The following CNTN6 variants were observed in gnomAD, a reference collection of about 807,000 sequenced individuals.
CNTN6 encodes contactin-6.
CNTN6 carries 137 observed loss-of-function variants against 122.8 expected under a neutral mutation model. The observed-to-expected ratio is 1.12, with a 90% CI of 0.97 to 1.29. CNTN6 has a LOEUF of 1.29. Ranked by LOEUF, CNTN6 falls within the 50% of genes most tolerant of loss-of-function variation. CNTN6 has a pLI of 0.00. For missense variants in CNTN6, 1,634 were observed against 1,223.4 expected (o/e 1.34, Z -5.01); for synonymous variants, 570 against 426.0 (o/e 1.34, Z -4.16).
chr3:1,360,484 A>G (rs1038901926), intron 12 of CNTN6, among the ~76,000 whole-genome samples: 2 of 151,936 alleles, frequency 1.3e-5, no homozygotes, highest in Non-Finnish European at 2.9e-5. Context: ...TTTAAATGTT[A>G]TATTTTCTAA....
chr3:1,129,103 A>T (rs896621319), intron 1 of CNTN6, among the ~76,000 whole-genome samples: 2 of 152,036 alleles, frequency 1.3e-5, no homozygotes, highest in Non-Finnish European at 2.9e-5. Context: ...CTTGGGAACT[A>T]CTTAGGGAGA....
At chr3:1,306,296 CTT>C (rs976618750) in intron 7 of CNTN6, among the ~76,000 whole-genome samples, 1 of 151,894 alleles carries the variant, frequency 6.6e-6, no homozygotes, top group Non-Finnish European at 1.5e-5. Flanking sequence ...TTATCAATAA[CTT>C]TTTTTTAACA....
At chr3:1,262,849 A>ATATAGTATAAATTT (rs1254996550) in intron 4 of CNTN6, among the ~76,000 whole-genome samples, 1 of 152,060 alleles carries the variant, frequency 6.6e-6, no homozygotes, top group Non-Finnish European at 1.5e-5. Context: ...GTACCCACAT[A>ATATAGTATAAATTT]TATAGTATAA....
At chr3:1,098,789 C>CACACACATATATATATATATATAT (rs1211008614) in intron 1 of CNTN6, among the ~76,000 whole-genome samples, 1 of 63,252 alleles carries the variant, frequency 1.6e-5, no homozygotes, top group Non-Finnish European at 2.7e-5. Context: ...CACACACACA[C>CACACACATATATATATATATATAT]ATATATATAT....
chr3:1,374,969 A>T (rs1250845473), intron 16 of CNTN6, among the ~76,000 whole-genome samples: 2 of 152,098 alleles, frequency 1.3e-5, no homozygotes, highest in Non-Finnish European at 2.9e-5. Context: ...TTTGTTTTAC[A>T]GAAGAGGAAA....
Position 1,219,848 on chromosome 3 carries a change from C to T in CNTN6, c.56-839C>T, listed in dbSNP as rs79242831. On this transcript the variant is annotated intron_variant, in intron 2 of 22. Coordinates refer to ENST00000446702, the MANE Select transcript of CNTN6 (RefSeq NM_001289080.2). ...CTGGCAACATGGTGAAACACCATCT[C>T]TACAAGAAAACAAAAATTAACCTGG... 2.9e-3 allele frequency among the ~76,000 whole-genome samples: 435 copies of T among 151,768 alleles called. 2 individuals carry two copies. The highest frequency in any genetic ancestry group is 1.0e-2 in the South Asian group (48 of 4,806).
At chr3:1,377,610 G>A (rs1040918525) in intron 17 of CNTN6, among the ~76,000 whole-genome samples, 1 of 152,112 alleles carries the variant, frequency 6.6e-6, no homozygotes, top group Non-Finnish European at 1.5e-5. Context: ...CTTCAAACTG[G>A]AGTATAAACG....
At chr3:1,180,675 C>T (rs1043211176) in intron 2 of CNTN6, among the ~76,000 whole-genome samples, 17 of 152,206 alleles carry the variant, frequency 1.1e-4, no homozygotes, top group African/African-American at 3.9e-4. Context: ...TTATTCATTT[C>T]ACCAATATTT....
intron 5 of CNTN6, among the ~76,000 whole-genome samples, chr3:1,291,278 C>G (rs1234494317): frequency 6.6e-6 from 1 of 152,150 alleles, no homozygotes; most frequent in Admixed American, 6.6e-5. Context: ...GGATTAGATT[C>G]TTCCAGCAGC....
chr3:1,329,693 T>C, intron 10 of CNTN6, 92 bp from the exon 11 acceptor site: 5 of 1,063,684 alleles, frequency 4.7e-6, no homozygotes, highest in Non-Finnish European at 6.7e-6. Context: ...CAGCTATAAA[T>C]ATTAGATTCT....
At chr3:1,319,307 C>T (rs1187090648) in intron 7 of CNTN6, among the ~76,000 whole-genome samples, 2 of 151,616 alleles carry the variant, frequency 1.3e-5, no homozygotes, top group Admixed American at 6.6e-5. Flanking sequence ...GCTTCTACTT[C>T]AAGAAAACCT....
intron 2 of CNTN6, among the ~76,000 whole-genome samples, chr3:1,175,406 C>A (rs1442707392): frequency 7.1e-6 from 1 of 141,716 alleles, no homozygotes; most frequent in Non-Finnish European, 1.5e-5. Context: ...CAAAAACAAA[C>A]AAACAAAAGA....
Position 1,276,349 on chromosome 3 carries a change from T to G in CNTN6, c.359-2064T>G, listed in dbSNP as rs552870082. On this transcript the variant is annotated intron_variant, in intron 4 of 22. Coordinates refer to ENST00000446702, the MANE Select transcript of CNTN6 (RefSeq NM_001289080.2). Reference sequence around the variant, plus strand: ...TAAGAATGTTCCGAGTCAAACCATTTAGATTTGACGTATTCTTTCTAATTT... The same window carrying G: ...TAAGAATGTTCCGAGTCAAACCATTGAGATTTGACGTATTCTTTCTAATTT... Among the ~76,000 whole-genome samples, 13 of 152,352 alleles carry G rather than the reference T, an allele frequency of 8.5e-5. No individual in the cohort carries two copies. In the East Asian group the frequency reaches 2.5e-3, roughly 29 times the overall value.
chr3:1,332,048 T>G (rs1702365507), intron 11 of CNTN6, among the ~76,000 whole-genome samples: 1 of 151,982 alleles, frequency 6.6e-6, no homozygotes, highest in Non-Finnish European at 1.5e-5. Flanking sequence ...ATTTATACAT[T>G]ATTCTTTCAT....
At chr3:1,245,305 T>TATATATATAAC (rs2094563466) in intron 4 of CNTN6, among the ~76,000 whole-genome samples, 3 of 10,608 alleles carry the variant, frequency 2.8e-4, no homozygotes, top group Non-Finnish European at 5.2e-4. Flanking sequence ...CATATATATA[T>TATATATATAAC]ATATATATAT....
intron 1 of CNTN6, among the ~76,000 whole-genome samples, chr3:1,142,954 T>TTGTG (rs374380362): frequency 5.2e-4 from 71 of 137,462 alleles, no homozygotes; most frequent in African/African-American, 1.7e-3. Flanking sequence ...ACATATAAAT[T>TTGTG]TGTGTGTGTG....
chr3:1,219,078 C>T (rs560814593), intron 2 of CNTN6, among the ~76,000 whole-genome samples: 10 of 152,190 alleles, frequency 6.6e-5, no homozygotes, highest in Admixed American at 1.3e-4. Context: ...GGATTCACAC[C>T]GATAAAACAG....
chr3:1,310,240 A>T (rs573823943), intron 7 of CNTN6, among the ~76,000 whole-genome samples: 1 of 152,260 alleles, frequency 6.6e-6, no homozygotes, highest in East Asian at 1.9e-4. Context: ...ATTAAGTAGG[A>T]TGCTAGTGCT....
At chr3:1,297,786 C>G (rs2125873309) in intron 6 of CNTN6, 103 bp from the exon 7 acceptor site, 1 of 833,708 alleles carries the variant, frequency 1.2e-6, no homozygotes, top group Middle Eastern at 3.2e-4. Flanking sequence ...AAAACCCTAA[C>G]TCTTATTAAG....
Sources: allele counts gnomAD v4.1 joint callset (sites outside exome capture counted in the v4.1 genomes callset), GRCh38; gene constraint gnomAD v4.1.1; transcripts MANE v1.5; gene names NCBI Gene and HGNC (gene_info 2026-07-23, HGNC 2026-07-21).